CDH9: variants seen among roughly 807,000 people sequenced by gnomAD.
CDH9 encodes cadherin-9.
CDH9 carries 28 observed loss-of-function variants against 70.9 expected under a neutral mutation model. That is an observed-to-expected ratio of 0.40 (90% CI 0.29 to 0.54). The LOEUF is 0.54. Ranked by LOEUF, CDH9 falls within the 20% of genes least tolerant of loss-of-function variation. CDH9 has a pLI of 0.59. For missense variants in CDH9, 874 were observed against 984.4 expected (o/e 0.89, Z 1.50); for synonymous variants, 409 against 343.1 (o/e 1.19, Z -2.12).
At chr5:26,920,785 T>C (rs768586716) in intron 2 of CDH9, among the ~76,000 whole-genome samples, 1 of 152,188 alleles carries the variant, frequency 6.6e-6, no homozygotes, top group East Asian at 1.9e-4. Context: ...ACAGCATTAA[T>C]TACTGAGCCT....
chr5:26,909,813 A>G (rs1411412884), intron 3 of CDH9, among the ~76,000 whole-genome samples: 1 of 152,016 alleles, frequency 6.6e-6, no homozygotes, highest in Non-Finnish European at 1.5e-5. Flanking sequence ...GAAAATTTCA[A>G]AGACTCAAAG....
chr5:26,996,655 T>G lies in CDH9; in HGVS notation c.-49-8273A>C, dbSNP rs777452197. Among the ~76,000 whole-genome samples, 3 of 151,950 alleles carry G rather than the reference T, an allele frequency of 2.0e-5. No homozygotes were observed. The East Asian group carries it at 5.8e-4, about 29-fold the overall frequency. Reference sequence around the variant, plus strand: ...TCTTATTAATTAATAGTGGTTACATTTATTATATAACCATATATGTGTACA... The same window carrying G: ...TCTTATTAATTAATAGTGGTTACATGTATTATATAACCATATATGTGTACA... On this transcript the variant is annotated intron_variant, in intron 1 of 11. Transcript: ENST00000231021.
At chr5:26,983,299 G>T (rs527446695) in intron 2 of CDH9, among the ~76,000 whole-genome samples, 1 of 152,154 alleles carries the variant, frequency 6.6e-6, no homozygotes, top group Non-Finnish European at 1.5e-5. Flanking sequence ...CGGACAATTT[G>T]AATTCAACTT....
At chr5:26,975,698 T>C (rs183980623) in intron 2 of CDH9, among the ~76,000 whole-genome samples, 124 of 152,234 alleles carry the variant, frequency 8.1e-4, no homozygotes, top group Middle Eastern at 6.8e-3. Context: ...CAAACAAATA[T>C]ACAGATAGAC....
At chr5:26,897,285 A>G (rs1740769431) in intron 7 of CDH9, among the ~76,000 whole-genome samples, 1 of 152,114 alleles carries the variant, frequency 6.6e-6, no homozygotes, top group Non-Finnish European at 1.5e-5. Flanking sequence ...ATTCCAAACA[A>G]TAGAAAAAGA....
chr5:27,030,359 G>C (rs1164229330), intron 1 of CDH9, among the ~76,000 whole-genome samples: 1 of 150,910 alleles, frequency 6.6e-6, no homozygotes, highest in Non-Finnish European at 1.5e-5. Flanking sequence ...TTTTTTTTTA[G>C]CAATTAACTG....
At chr5:27,034,315 T>C (rs1170905376) in intron 1 of CDH9, among the ~76,000 whole-genome samples, 1 of 151,700 alleles carries the variant, frequency 6.6e-6, no homozygotes, top group African/African-American at 2.4e-5. Context: ...AGGGGTTGGC[T>C]TTTTAATCCA....
chr5:27,018,281 T>G (rs890104244), intron 1 of CDH9, among the ~76,000 whole-genome samples: 1 of 151,812 alleles, frequency 6.6e-6, no homozygotes, highest in Admixed American at 6.6e-5. Flanking sequence ...ATATAGAATT[T>G]TCCTCACGTA....
intron 3 of CDH9, among the ~76,000 whole-genome samples, chr5:26,913,670 A>G (rs1181265211): frequency 6.6e-6 from 1 of 152,062 alleles, no homozygotes; most frequent in East Asian, 1.9e-4. Context: ...AAACTACAAA[A>G]CATCTTTCAT....
chr5:26,977,485 G>GTATA (rs775423954), intron 2 of CDH9, among the ~76,000 whole-genome samples: 98 of 68,840 alleles, frequency 1.4e-3, no homozygotes, highest in East Asian at 3.9e-3. Flanking sequence ...GTGTGTGTGT[G>GTATA]TATATATATA....
chr5:26,892,713 T>G (rs747558293), intron 7 of CDH9, among the ~76,000 whole-genome samples: 3 of 151,720 alleles, frequency 2.0e-5, no homozygotes, highest in Non-Finnish European at 2.9e-5. Flanking sequence ...TACTGGCATT[T>G]TTTTGTTGTT....
In CDH9 at chr5:26,885,712, C is replaced by G; in HGVS notation, c.1784G>C (p.Gly595Ala). 6.2e-7 allele frequency: 1 copy of G among 1,613,544 alleles called. No individual in the cohort carries two copies. Among genetic ancestry groups the G allele is most frequent in the Non-Finnish European group, 8.5e-7 (1 of 1,179,794 alleles). ...TIRVCACDNQ[G>A]NMQSCTAEAL... ...TTCTGCGGTGCAGGATTGCATGTTT[C>G]CTTGATTATCGCAGGCACACACACG... Residue 595 changes from glycine to alanine, a missense_variant, in exon 11 of 12, where the codon GGA (glycine) becomes GCA (alanine). By Grantham distance (60) the Gly-to-Ala change is moderately conservative. Transcript: ENST00000231021.
At chr5:26,937,444 T>C (rs556212602) in intron 2 of CDH9, among the ~76,000 whole-genome samples, 2 of 152,288 alleles carry the variant, frequency 1.3e-5, no homozygotes, top group East Asian at 3.9e-4. Flanking sequence ...TTAAAGTTAC[T>C]TTGGTGGACA....
Position 26,938,203 on chromosome 5 carries a change from A to G in CDH9, c.229-22279T>C, listed in dbSNP as rs1359897600. ...CAAAAATGCATAGTTACAAAAAAAA[A>G]ATCAATGTAAAAAAGTGAAAAAGCC... On this transcript the variant is annotated intron_variant, in intron 2 of 11. Transcript: ENST00000231021. Among the ~76,000 whole-genome samples the G allele has an allele frequency of 2.0e-5, 3 of 151,708 alleles. No homozygotes were observed. The East Asian group carries it at 5.8e-4, about 29-fold the overall frequency.
At chr5:26,927,232 G>A (rs1272673889) in intron 2 of CDH9, among the ~76,000 whole-genome samples, 1 of 151,786 alleles carries the variant, frequency 6.6e-6, no homozygotes, top group Non-Finnish European at 1.5e-5. Context: ...TAAAAACGTA[G>A]GGATAGAAAA....
rs3071199 is a variant in CDH9, at chr5:26,922,026, C to CAA, written c.229-6104_229-6103dup. ...CTATTTGAAAAAACACAAAATAGTC[C>CAA]AAAAAAAAAAAAAAGAGAGAGAGAG... is the stretch of plus-strand genomic sequence containing the variant. On this transcript the variant is annotated intron_variant, in intron 2 of 11. Coordinates refer to ENST00000231021, the MANE Select transcript of CDH9 (RefSeq NM_016279.4). 1.7e-3 allele frequency among the ~76,000 whole-genome samples: 219 copies of CAA among 125,394 alleles called. 1 individual carries two copies. Among genetic ancestry groups the CAA allele is most frequent in the African/African-American group, 4.0e-3 (140 of 35,366 alleles). The allele number at this position is 125,394 out of a possible 152,430, so 82.3% of individuals were successfully genotyped here.
chr5:26,945,881 G>A (rs977094527), intron 2 of CDH9, among the ~76,000 whole-genome samples: 10 of 152,106 alleles, frequency 6.6e-5, no homozygotes, highest in Admixed American at 3.3e-4. Flanking sequence ...ATTCTTTTCC[G>A]TCACTGGGGG....
intron 3 of CDH9, among the ~76,000 whole-genome samples, chr5:26,908,553 T>C (rs918481362): frequency 2.6e-5 from 4 of 152,294 alleles, no homozygotes; most frequent in South Asian, 4.1e-4. Context: ...ATTGTAAGCT[T>C]TCATAATGGG....
intron 2 of CDH9, among the ~76,000 whole-genome samples, chr5:26,945,292 T>C (rs1741733294): frequency 6.6e-6 from 1 of 152,052 alleles, no homozygotes; most frequent in African/African-American, 2.4e-5. Context: ...GTTTTCAATA[T>C]GTTCTTACAA....
Sources: gnomAD v4.1 joint callset for allele counts (sites outside exome capture counted in the v4.1 genomes callset) on GRCh38, gnomAD v4.1.1 for gene constraint, MANE v1.5 for transcripts, NCBI Gene and HGNC (gene_info 2026-07-23, HGNC 2026-07-21) for gene names.